Variants in CCDC102B observed in about 807,000 individuals in gnomAD.
The protein encoded by CCDC102B is coiled-coil domain containing 102B, also known as coiled-coil domain-containing protein 102B.
Under a neutral mutation model 57.4 loss-of-function variants are expected in CCDC102B, and 75 were observed. That is an observed-to-expected ratio of 1.31 (90% CI 1.08 to 1.58). The LOEUF (loss-of-function observed/expected upper bound fraction) is 1.58. Among genes scored for constraint, CCDC102B ranks in the 40% most tolerant of loss-of-function variants. The probability of loss-of-function intolerance (pLI) is 0.00; values close to 1 mark genes in which losing one functional copy is unlikely to be tolerated. For synonymous variants in CCDC102B, 206 were observed against 201.9 expected (o/e 1.02, Z -0.17); for missense variants, 636 against 582.6 (o/e 1.09, Z -0.94).
At chr18:69,021,473 C>T (rs997542202) in intron 7 of CCDC102B, among the ~76,000 whole-genome samples, 6 of 152,092 alleles carry the variant, frequency 3.9e-5, no homozygotes, top group Non-Finnish European at 7.4e-5. Flanking sequence ...TAAAAACCAG[C>T]CGGTTCATGT....
Position 68,911,615 on chromosome 18 carries a change from G to A in CCDC102B, c.1263+14187G>A, listed in dbSNP as rs1025869117. On this transcript the variant is annotated intron_variant, in intron 6 of 7. Coordinates refer to ENST00000360242, the MANE Select transcript of CCDC102B (RefSeq NM_024781.3). ...AAAATACAAAAAATTAGCCGGGCGT[G>A]GTGGCGGGCGCCTGTAGTCCCAGCT... 2.9e-4 allele frequency among the ~76,000 whole-genome samples: 43 copies of A among 149,768 alleles called. 1 individual carries two copies. Among genetic ancestry groups the A allele is most frequent in the East Asian group, 1.4e-3 (7 of 5,080 alleles).
chr18:68,956,646 C>A (rs1599750904), intron 6 of CCDC102B, among the ~76,000 whole-genome samples: 1 of 126,022 alleles, frequency 7.9e-6, no homozygotes, highest in South Asian at 2.3e-4. Flanking sequence ...ATACATATAG[C>A]AGTGGGATTG....
chr18:68,780,614 A>T (rs184520564), intron 2 of CCDC102B, among the ~76,000 whole-genome samples: 1 of 152,180 alleles, frequency 6.6e-6, no homozygotes, highest in Admixed American at 6.6e-5. Flanking sequence ...TAGCTATTCC[A>T]GTGGAAATAA....
At chr18:68,829,123 A>C (rs1599528424) in intron 1 of CCDC102B, among the ~76,000 whole-genome samples, 1 of 151,750 alleles carries the variant, frequency 6.6e-6, no homozygotes, top group South Asian at 2.1e-4. Flanking sequence ...GGCTTTTAAA[A>C]AATTTTTTGT....
At chr18:68,763,610 A>G (rs1185279317) in intron 2 of CCDC102B, among the ~76,000 whole-genome samples, 1 of 152,092 alleles carries the variant, frequency 6.6e-6, no homozygotes, top group African/African-American at 2.4e-5. Context: ...TCTATACTCA[A>G]TAATGATAAA....
rs1187148257 is a variant in CCDC102B at position 68,842,720 on chromosome 18, G to A, written c.828-3593G>A. On this transcript the variant is annotated intron_variant, in intron 3 of 7. Coordinates refer to ENST00000360242, the MANE Select transcript of CCDC102B (RefSeq NM_024781.3). ...CCCGTATTGGTGATCTTGAGGTCCC[G>A]CTGTGATGTCTCTACCTTAATGGTG... Among the ~76,000 whole-genome samples the A allele has an allele frequency of 2.6e-5, 4 of 152,288 alleles. No homozygotes were observed. The South Asian group carries it at 6.2e-4, about 24-fold the overall frequency.
At chr18:68,741,789 G>A (rs879804411) in intron 2 of CCDC102B, among the ~76,000 whole-genome samples, 162 of 151,894 alleles carry the variant, frequency 1.1e-3, no homozygotes, top group African/African-American at 3.5e-3. Context: ...TCCTTAGTGG[G>A]TTCAAAAATG....
intron 6 of CCDC102B, among the ~76,000 whole-genome samples, chr18:68,956,526 T>A (rs2049890211): frequency 8.4e-5 from 1 of 11,842 alleles, no homozygotes; most frequent in Non-Finnish European, 1.3e-4. Flanking sequence ...GCATATTATA[T>A]ATATTATATA....
intron 6 of CCDC102B, among the ~76,000 whole-genome samples, chr18:68,986,829 T>C (rs2050737428): frequency 6.6e-6 from 1 of 151,854 alleles, no homozygotes; most frequent in South Asian, 2.1e-4. Context: ...AATAGCCCCA[T>C]CCCAAAACTG....
chr18:68,852,337 T>C (rs1349027424), intron 4 of CCDC102B, among the ~76,000 whole-genome samples: 1 of 152,186 alleles, frequency 6.6e-6, no homozygotes, highest in Non-Finnish European at 1.5e-5. Flanking sequence ...AATGAAACAG[T>C]CATCCCTTGG....
At chr18:68,997,781 A>G (rs976966635) in intron 6 of CCDC102B, among the ~76,000 whole-genome samples, 2 of 151,966 alleles carry the variant, frequency 1.3e-5, no homozygotes, top group Non-Finnish European at 2.9e-5. Context: ...TCTGTCCTTT[A>G]TGTTCTCACC....
At chr18:68,901,995 CT>C (rs1421294481) in intron 6 of CCDC102B, among the ~76,000 whole-genome samples, 1 of 152,182 alleles carries the variant, frequency 6.6e-6, no homozygotes, top group East Asian at 1.9e-4. Context: ...AGATTCTGCA[CT>C]TCTATGAGGC....
In CCDC102B at chr18:68,837,280, C is replaced by T; in HGVS notation, c.517C>T (p.Gln173Ter). ...AGAAGAATCCTGTGAACATACAGAC[C>T]AATTTCAATTGAGTTCACAAATGCA... ...FVEESCEHTD[Q>*]FQLSSQMHES... Residue 173 changes from glutamine to a stop codon, truncating the protein, a stop_gained, in exon 2 of 8, where the codon CAA (glutamine) becomes TAA (stop). Transcript: ENST00000360242. LOFTEE classifies it high-confidence loss of function. 1.2e-6 allele frequency: 2 copies of T among 1,613,926 alleles called. No individual in the cohort carries two copies. The highest frequency in any genetic ancestry group is 1.7e-6 in the Non-Finnish European group (2 of 1,179,944).
chr18:68,789,591 C>T (rs1471992948), intron 2 of CCDC102B, among the ~76,000 whole-genome samples: 27 of 149,514 alleles, frequency 1.8e-4, no homozygotes, highest in East Asian at 3.9e-4. Flanking sequence ...CATCTTCCAT[C>T]GCTGATACCC....
chr18:68,849,688 G>C (rs1040897511), intron 4 of CCDC102B, among the ~76,000 whole-genome samples: 2 of 152,114 alleles, frequency 1.3e-5, no homozygotes, highest in East Asian at 3.8e-4. Context: ...GCAGTCCAAG[G>C]AAGTCCACAT....
Position 68,956,404 on chromosome 18 carries a change from ATTTT to A in CCDC102B, c.1264-54529_1264-54526del, listed in dbSNP as rs1568352131. Among the ~76,000 whole-genome samples, 23 of 72,308 alleles carry A rather than the reference ATTTT, an allele frequency of 3.2e-4. 2 individuals are homozygous for A. Among genetic ancestry groups the A allele is most frequent in the Middle Eastern group, 5.3e-3 (1 of 188 alleles). The allele number at this position is 72,308 out of a possible 152,430, so 47.4% of individuals were successfully genotyped here. ...TAATATATAATATATATATAAATAT[ATTTT>A]ATATATATTATATATATTATACATT... On this transcript the variant is annotated intron_variant, in intron 6 of 7. Transcript: ENST00000360242.
chr18:69,035,856 G>A (rs2052276475), intron 7 of CCDC102B, among the ~76,000 whole-genome samples: 1 of 152,076 alleles, frequency 6.6e-6, no homozygotes, highest in African/African-American at 2.4e-5. Context: ...TGCATTTGGG[G>A]AATTTGTGAA....
intron 2 of CCDC102B, among the ~76,000 whole-genome samples, chr18:68,774,849 T>C (rs1416963986): frequency 6.6e-6 from 1 of 151,676 alleles, no homozygotes; most frequent in Non-Finnish European, 1.5e-5. Flanking sequence ...TAAAATATTA[T>C]CATTTACTTT....
At chr18:68,728,495 C>T (rs1414282218) in intron 2 of CCDC102B, among the ~76,000 whole-genome samples, 1 of 152,134 alleles carries the variant, frequency 6.6e-6, no homozygotes, top group Non-Finnish European at 1.5e-5. Context: ...GTGAAGCTTT[C>T]AGACTGTGCA....
Sources: allele counts gnomAD v4.1 joint callset (sites outside exome capture counted in the v4.1 genomes callset), GRCh38; gene constraint gnomAD v4.1.1; transcripts MANE v1.5; gene names NCBI Gene and HGNC (gene_info 2026-07-23, HGNC 2026-07-21).